The following DNAAF9 variants were observed in gnomAD, a reference collection of about 807,000 sequenced individuals.
DNAAF9 encodes the protein shulin.
A neutral mutation model predicts 167.0 loss-of-function variants in DNAAF9; 90 were observed. The observed-to-expected ratio is 0.54, with a 90% CI of 0.45 to 0.64. The LOEUF is 0.64. Among genes scored for constraint, DNAAF9 ranks in the 30% least tolerant of loss-of-function variants. The pLI is 0.00. For synonymous variants in DNAAF9, 491 were observed against 508.8 expected (o/e 0.96, Z 0.47); for missense variants, 1,315 against 1,442.2 (o/e 0.91, Z 1.43).
chr20:3,351,605 G>A (rs1451312085), intron 7 of DNAAF9, among the ~76,000 whole-genome samples: 1 of 151,930 alleles, frequency 6.6e-6, no homozygotes, highest in East Asian at 1.9e-4. Flanking sequence ...AAAAGAAACC[G>A]AAAACACACA....
At chr20:3,402,159 T>C (rs2083996844) in intron 1 of DNAAF9, among the ~76,000 whole-genome samples, 1 of 152,214 alleles carries the variant, frequency 6.6e-6, no homozygotes, top group African/African-American at 2.4e-5. Context: ...CTTACAATCC[T>C]GCTAGAATCC....
intron 33 of DNAAF9, among the ~76,000 whole-genome samples, chr20:3,259,082 C>T (rs1277629899): frequency 6.6e-6 from 1 of 152,200 alleles, no homozygotes; most frequent in Non-Finnish European, 1.5e-5. Flanking sequence ...CAAACAGAAG[C>T]TCAAAGACTT....
Position 3,347,586 on chromosome 20 carries a change from T to C in DNAAF9, c.789+939A>G, listed in dbSNP as rs1288138217. ...TTATTTAAATCTTTAAGAAAGGTAA[T>C]TGATTGTTTAAGGAAACATAAGAGC... On this transcript the variant is annotated intron_variant, in intron 8 of 36. Coordinates refer to ENST00000252032, the MANE Select transcript of DNAAF9 (RefSeq NM_001009984.3). 3.3e-5 allele frequency among the ~76,000 whole-genome samples: 5 copies of C among 152,304 alleles called. No individual in the cohort carries two copies. In the East Asian group the frequency reaches 9.6e-4, roughly 29 times the overall value.
At chr20:3,286,046 A>G (rs941102109) in intron 27 of DNAAF9, among the ~76,000 whole-genome samples, 4 of 152,236 alleles carry the variant, frequency 2.6e-5, no homozygotes, top group African/African-American at 9.6e-5. Flanking sequence ...TCTTAATATG[A>G]GAAGCATCTG....
At chr20:3,273,533 G>A (rs1168603662) in intron 29 of DNAAF9, among the ~76,000 whole-genome samples, 3 of 152,132 alleles carry the variant, frequency 2.0e-5, no homozygotes, top group Non-Finnish European at 4.4e-5. Flanking sequence ...TATCACAGTG[G>A]TGAGGGCAGG....
intron 6 of DNAAF9, among the ~76,000 whole-genome samples, chr20:3,364,934 CTTTT>C (rs1337365016): frequency 4.5e-5 from 4 of 89,352 alleles, no homozygotes; most frequent in Non-Finnish European, 8.8e-5. Flanking sequence ...CTCTCTCCTT[CTTTT>C]CCTTTTTTCT....
At chr20:3,302,248 T>A (rs6037537) in intron 21 of DNAAF9, among the ~76,000 whole-genome samples, 74,547 of 151,460 alleles carry the variant, frequency 0.49, 18,447 homozygotes, top group East Asian at 0.56. Flanking sequence ...CATAAAAAAA[T>A]TTTTTTATTT....
chr20:3,295,165 A>G (rs931583275), intron 23 of DNAAF9, among the ~76,000 whole-genome samples: 1 of 139,986 alleles, frequency 7.1e-6, no homozygotes, highest in African/African-American at 2.7e-5. Flanking sequence ...CACCGCACCC[A>G]GCTCCCACTT....
chr20:3,379,058 C>T lies in DNAAF9; in HGVS notation c.283+2321G>A, dbSNP rs1026314769. ...CCTTCCCTGAGTCATTCGTAGACCA[C>T]CTGCAGAGGAATGAGAGTTGGCTAT... On this transcript the variant is annotated intron_variant, in intron 3 of 36. Transcript: ENST00000252032. 4.0e-5 allele frequency among the ~76,000 whole-genome samples: 6 copies of T among 151,810 alleles called. 1 individual carries two copies. The highest frequency in any genetic ancestry group is 1.3e-4 in the Admixed American group (2 of 15,210).
chr20:3,328,247 C>T (rs10222012), intron 12 of DNAAF9, among the ~76,000 whole-genome samples: 1,964 of 149,726 alleles, frequency 0.013, 47 homozygotes, highest in African/African-American at 0.046. Context: ...ACTGGTGCGA[C>T]CTCAGCTCAC....
chr20:3,317,410 GA>G (rs2069524346), intron 17 of DNAAF9, among the ~76,000 whole-genome samples: 1 of 149,690 alleles, frequency 6.7e-6, no homozygotes, highest in African/African-American at 2.5e-5. Flanking sequence ...AAACTTTTGG[GA>G]ATTAGTCCAT....
chr20:3,337,169 AC>A (rs1359706539), intron 10 of DNAAF9, among the ~76,000 whole-genome samples: 2 of 151,254 alleles, frequency 1.3e-5, no homozygotes, highest in African/African-American at 2.4e-5. Context: ...GTGAGCCACC[AC>A]GCCTGGCCTC....
intron 1 of DNAAF9, among the ~76,000 whole-genome samples, chr20:3,407,083 A>G (rs1024042146): frequency 6.6e-5 from 10 of 152,014 alleles, no homozygotes; most frequent in African/African-American, 2.4e-4. Context: ...TTCCCTGGGG[A>G]AGGCGAGTGA....
At chr20:3,339,239 T>C (rs1239407494) in intron 10 of DNAAF9, among the ~76,000 whole-genome samples, 1 of 152,242 alleles carries the variant, frequency 6.6e-6, no homozygotes, top group Non-Finnish European at 1.5e-5. Flanking sequence ...ATCATAGTCA[T>C]TTTTAATAAT....
At chr20:3,269,025 T>G (rs919111832) in intron 30 of DNAAF9, among the ~76,000 whole-genome samples, 2 of 146,202 alleles carry the variant, frequency 1.4e-5, no homozygotes, top group African/African-American at 5.0e-5. Context: ...TCCCTCAGCC[T>G]CCCAAGTAGC....
intron 27 of DNAAF9, among the ~76,000 whole-genome samples, 187 bp downstream of exon 27, chr20:3,287,442 CAAG>C (rs2068871191): frequency 2.0e-5 from 3 of 152,224 alleles, no homozygotes; most frequent in Admixed American, 2.0e-4. Context: ...AACTTGTGTG[CAAG>C]CTATACTAGC....
intron 16 of DNAAF9, among the ~76,000 whole-genome samples, chr20:3,320,555 G>A (rs1018867372): frequency 6.6e-6 from 1 of 152,146 alleles, no homozygotes; most frequent in Non-Finnish European, 1.5e-5. Flanking sequence ...CTAACAAGGA[G>A]ATAAAGTATT....
At chr20:3,364,815 C>T (rs139188103) in intron 6 of DNAAF9, among the ~76,000 whole-genome samples, 54 of 152,282 alleles carry the variant, frequency 3.5e-4, no homozygotes, top group Middle Eastern at 6.8e-3. Context: ...CATGCTGATA[C>T]CTGCTGACTG....
chr20:3,321,851 A>T (rs1399384960), intron 16 of DNAAF9, among the ~76,000 whole-genome samples: 1 of 152,222 alleles, frequency 6.6e-6, no homozygotes, highest in Admixed American at 6.5e-5. Flanking sequence ...GATGCCACTG[A>T]AAAACTTAGT....
Sources: allele counts gnomAD v4.1 joint callset (sites outside exome capture counted in the v4.1 genomes callset), GRCh38; gene constraint gnomAD v4.1.1; transcripts MANE v1.5; gene names NCBI Gene and HGNC (gene_info 2026-07-23, HGNC 2026-07-21).